NID1: variants seen among roughly 807,000 people sequenced by gnomAD.
NID1 encodes nidogen 1.
A neutral mutation model predicts 130.6 loss-of-function variants in NID1; 76 were observed. The ratio of observed to expected loss-of-function variants is 0.58; its 90% CI spans 0.48 to 0.70. The LOEUF (loss-of-function observed/expected upper bound fraction) is 0.70, where lower values mean the gene tolerates loss of function less well. Among genes scored for constraint, NID1 ranks in the 30% least tolerant of loss-of-function variants. The pLI is 0.00. For synonymous variants in NID1, 665 were observed against 675.1 expected (o/e 0.98, Z 0.23); for missense variants, 1,517 against 1,664.8 (o/e 0.91, Z 1.54).
intron 13 of NID1, among the ~76,000 whole-genome samples, chr1:235,992,623 C>G (rs2102800557): frequency 6.6e-6 from 1 of 152,298 alleles, no homozygotes; most frequent in Admixed American, 6.5e-5. Flanking sequence ...GCTCATCTCC[C>G]TACACTGTTC....
chr1:236,045,388 A>G lies in NID1; in HGVS notation c.752+69T>C, dbSNP rs10733131. 0.45 allele frequency: 509,115 copies of G among 1,129,908 alleles called. 118,757 individuals are homozygous for G. The highest frequency in any genetic ancestry group is 0.67 in the East Asian group (28,027 of 41,542). 70.0% of individuals were successfully genotyped at this position (1,129,908 alleles called of 1,614,324 possible). The stretch of plus-strand genomic sequence containing the variant: ...GAACATTTTTAGGTAATGATCTATA[A>G]TACACATTACATTATCCACATTAAA... On this transcript the variant is annotated intron_variant, in intron 3 of 19. Coordinates refer to ENST00000264187, the MANE Select transcript of NID1 (RefSeq NM_002508.3).
chr1:236,045,773 G>A, intron 2 of NID1, 90 bp from the exon 3 acceptor site: 1 of 990,354 alleles, frequency 1.0e-6, no homozygotes, highest in Non-Finnish European at 1.5e-6. Context: ...AAAGCGTACA[G>A]TGCTATAGAG....
intron 2 of NID1, among the ~76,000 whole-genome samples, chr1:236,046,908 A>G (rs1356085510): frequency 6.6e-6 from 1 of 152,018 alleles, no homozygotes; most frequent in Non-Finnish European, 1.5e-5. Flanking sequence ...GGAGCGGGGG[A>G]AGGGAAGAGG....
chr1:235,993,843 G>C lies in NID1; in HGVS notation c.2557C>G (p.Arg853Gly), dbSNP rs887517878. The change falls in exon 13 of 20, where the codon CGA becomes GGA. Residue 853 changes from arginine to glycine, a missense_variant. Coordinates refer to ENST00000264187, the MANE Select transcript of NID1 (RefSeq NM_002508.3). ...CCCGCTGCCCCGAGAATGTGTTCTC[G>C]CTCGTGCTGGCACCGGGTTTTCTCC... The part of the protein sequence containing the change: ...EVEKTRCQHE[R>G]EHILGAAGAT... 2 of 1,613,300 alleles carry C rather than the reference G, an allele frequency of 1.2e-6. No homozygotes were observed. The highest frequency in any genetic ancestry group is 1.7e-5 in the Admixed American group (1 of 60,012).
At position 236,042,152 on chromosome 1, in the gene NID1, AG is replaced by A; in HGVS notation, c.892del (p.Leu298TrpfsTer21). ...CTCCAGGCCCAGACGAGTGGTCGCC[AG>A]GTCATAATCTTCATCCTCATCATCA... ...EYDDEDEDYDLATTRLGLEDV... is the reference protein window; with the variant it reads ...EYDDEDEDYDXATTRLGLEDV... On this transcript the variant is annotated frameshift_variant, in exon 4 of 20. Transcript: ENST00000264187. LOFTEE classifies it high-confidence loss of function. 1.9e-6 allele frequency: 3 copies of A among 1,614,034 alleles called. No homozygotes were observed. Among genetic ancestry groups the A allele is most frequent in the Non-Finnish European group, 2.5e-6 (3 of 1,180,014 alleles).
chr1:236,021,308 C>A (rs1234965871), intron 9 of NID1, among the ~76,000 whole-genome samples: 1 of 152,154 alleles, frequency 6.6e-6, no homozygotes, highest in Non-Finnish European at 1.5e-5. Flanking sequence ...CACTATGTCC[C>A]CTCCCTAGCG....
chr1:236,029,438 T>C, intron 7 of NID1, 112 bp downstream of exon 7: 2 of 1,019,058 alleles, frequency 2.0e-6, no homozygotes, highest in Admixed American at 4.3e-5. Flanking sequence ...GCCCGGTGTA[T>C]TTCCCTCTCC....
chr1:236,023,987 C>T (rs1333494630), intron 9 of NID1, 83 bp downstream of exon 9: 8 of 1,559,716 alleles, frequency 5.1e-6, no homozygotes, highest in Non-Finnish European at 7.0e-6. Flanking sequence ...CCTTGCTGCA[C>T]CCAGTTCTCT....
At chr1:236,039,905 A>C (rs981733800) in intron 4 of NID1, among the ~76,000 whole-genome samples, 2 of 152,168 alleles carry the variant, frequency 1.3e-5, no homozygotes, top group Non-Finnish European at 2.9e-5. Flanking sequence ...CATGTGAACT[A>C]TTCAAATAAC....
At position 235,998,533 on chromosome 1, in the gene NID1, G is replaced by A. The variant is rs569513658; in HGVS notation, c.2528-4661C>T. On this transcript the variant is annotated intron_variant, in intron 12 of 19. Transcript: ENST00000264187. Reference sequence around the variant, plus strand: ...GTACTAAAAGTACAAAAACTAGCTGGGTGTGGTGGCGGGTGCCTGTAATCC... The same window carrying A: ...GTACTAAAAGTACAAAAACTAGCTGAGTGTGGTGGCGGGTGCCTGTAATCC... 3.3e-5 allele frequency among the ~76,000 whole-genome samples: 5 copies of A among 152,248 alleles called. No homozygotes were observed. The South Asian group carries it at 1.0e-3, about 32-fold the overall frequency.
At chr1:236,019,840 G>A (rs1174675613) in intron 9 of NID1, among the ~76,000 whole-genome samples, 2 of 152,010 alleles carry the variant, frequency 1.3e-5, no homozygotes, top group East Asian at 3.9e-4. Flanking sequence ...TTAGGAGTTC[G>A]AGACCAGCCT....
intron 1 of NID1, among the ~76,000 whole-genome samples, chr1:236,061,727 C>T (rs1186569978): frequency 6.7e-6 from 1 of 150,264 alleles, no homozygotes; most frequent in East Asian, 2.0e-4. Flanking sequence ...CCCTTCTCAA[C>T]AATTAAAAAA....
At chr1:236,017,396 T>G (rs1042279115) in intron 9 of NID1, 123 bp from the exon 10 acceptor site, 34 of 1,140,358 alleles carry the variant, frequency 3.0e-5, no homozygotes, top group Non-Finnish European at 3.9e-5. Flanking sequence ...TTTCTTTTTT[T>G]TTTTCCGAGA....
intron 14 of NID1, among the ~76,000 whole-genome samples, chr1:235,989,444 G>T (rs1026747804): frequency 3.9e-5 from 6 of 152,188 alleles, no homozygotes; most frequent in African/African-American, 1.2e-4. Context: ...GGCAATAGAT[G>T]AATACAATGA....
At chr1:236,025,695 G>A (rs1160407261) in intron 8 of NID1, among the ~76,000 whole-genome samples, 2 of 152,194 alleles carry the variant, frequency 1.3e-5, no homozygotes, top group East Asian at 1.9e-4. Flanking sequence ...ATAGAATCAC[G>A]AATAGGCCTT....
chr1:235,977,548 TG>T lies in NID1; in HGVS notation c.*318del, dbSNP rs1187592012. On this transcript the variant is annotated 3_prime_UTR_variant, in exon 20 of 20. Coordinates refer to ENST00000264187, the MANE Select transcript of NID1 (RefSeq NM_002508.3). ...AAATTTGGGAGGTTCTGTTCACCAC[TG>T]GGGGGCTAGTATTGGGAAAAGGTCC... The T allele has an allele frequency of 1.2e-5, 3 of 240,332 alleles. No individual in the cohort carries two copies. The highest frequency in any genetic ancestry group is 2.5e-5 in the Non-Finnish European group (3 of 121,942). 14.9% of individuals were successfully genotyped at this position (240,332 alleles called of 1,614,324 possible).
chr1:235,998,133 A>G (rs954307647), intron 12 of NID1, among the ~76,000 whole-genome samples: 1 of 152,118 alleles, frequency 6.6e-6, no homozygotes, highest in African/African-American at 2.4e-5. Context: ...GACATTCCAT[A>G]AGTGTGTTGC....
chr1:235,998,533 G>C (rs569513658), intron 12 of NID1, among the ~76,000 whole-genome samples: 1 of 152,130 alleles, frequency 6.6e-6, no homozygotes, highest in African/African-American at 2.4e-5. Context: ...AAACTAGCTG[G>C]GTGTGGTGGC....
intron 2 of NID1, among the ~76,000 whole-genome samples, chr1:236,046,238 C>T (rs1454195241): frequency 6.6e-6 from 1 of 152,130 alleles, no homozygotes; most frequent in Non-Finnish European, 1.5e-5. Context: ...GGAGATAAAA[C>T]CACCTCCTTC....
Sources: allele counts gnomAD v4.1 joint callset (sites outside exome capture counted in the v4.1 genomes callset), GRCh38; gene constraint gnomAD v4.1.1; transcripts MANE v1.5; gene names NCBI Gene and HGNC (gene_info 2026-07-23, HGNC 2026-07-21).